The following PLEKHD1 variants were observed in gnomAD, a reference collection of about 807,000 sequenced individuals.
The protein encoded by PLEKHD1 is pleckstrin homology and coiled-coil domain containing D1.
In PLEKHD1, 51 loss-of-function variants were observed where a neutral mutation model predicts 69.2. That is an observed-to-expected ratio of 0.74 (90% CI 0.59 to 0.93). The LOEUF (loss-of-function observed/expected upper bound fraction) is 0.93, where lower values mean the gene tolerates loss of function less well. Among genes scored for constraint, PLEKHD1 ranks in the 40% least tolerant of loss-of-function variants. The pLI is 0.00. For missense variants in PLEKHD1, 584 were observed against 641.0 expected, an observed-to-expected ratio of 0.91 and a Z score of 0.96; for synonymous variants, 236 against 244.7, an observed-to-expected ratio of 0.96 and a Z score of 0.33.
At chr14:69,508,007 C>T (rs1275731) in intron 6 of PLEKHD1, among the ~76,000 whole-genome samples, 48,193 of 152,120 alleles carry the variant, frequency 0.32, 8,878 homozygotes, top group African/African-American at 0.51. Context: ...ATTTTGGCCA[C>T]TTTCATGAGT....
the PLEKHD1 span, among the ~76,000 whole-genome samples, chr14:69,469,189 G>A: frequency 1.3e-5 from 2 of 152,164 alleles, no homozygotes; most frequent in Admixed American, 6.5e-5. Context: ...CAGAGAGAGA[G>A]AGAGAGAGGA....
intron 1 of PLEKHD1, among the ~76,000 whole-genome samples, chr14:69,498,047 ATTTTATTTTATTTATTTTAT>A (rs1882927007): frequency 7.8e-6 from 1 of 127,678 alleles, no homozygotes; most frequent in African/African-American, 3.0e-5. Flanking sequence ...ATTTTATTTT[ATTTTATTTTATTTATTTTAT>A]TTTATTTTAT....
In PLEKHD1 at chr14:69,526,741, G is replaced by A. The variant is rs376478226; in HGVS notation, c.968G>A (p.Arg323His). ...EERSRALEEE[R>H]EFYSSQSQAL... ...CGCTCACGGGCCCTGGAGGAGGAGC[G>A]TGAGTTCTACTCCAGCCAGTCCCAG... The change falls in exon 10 of 13, where the codon CGT becomes CAT. Residue 323 changes from arginine to histidine, a missense_variant. Physicochemically the swap from Arg to His is conservative, Grantham distance 29 (BLOSUM62 0). Transcript: ENST00000322564. 113 of 1,547,576 alleles carry A rather than the reference G, an allele frequency of 7.3e-5. 1 individual carries two copies. Among genetic ancestry groups the A allele is most frequent in the Non-Finnish European group, 8.8e-5 (101 of 1,144,998 alleles).
chr14:69,507,292 A>G (rs1301052834), intron 6 of PLEKHD1, among the ~76,000 whole-genome samples: 1 of 152,160 alleles, frequency 6.6e-6, no homozygotes, highest in Non-Finnish European at 1.5e-5. Flanking sequence ...TCTTTCACTT[A>G]GTAATGTGCA....
chr14:69,501,438 A>G, intron 4 of PLEKHD1: 1 of 348,920 alleles, frequency 2.9e-6, no homozygotes, highest in Non-Finnish European at 5.3e-6. Context: ...GCGGACATTC[A>G]GTAATGTAAA....
chr14:69,522,421 C>T (rs1349071076), intron 7 of PLEKHD1, 44 bp downstream of exon 7: 2 of 1,538,478 alleles, frequency 1.3e-6, no homozygotes, highest in Admixed American at 3.9e-5. Context: ...TAAGTTAGGG[C>T]ATGCAGAGCC....
At chr14:69,504,445 G>A (rs1462194950) in intron 6 of PLEKHD1, among the ~76,000 whole-genome samples, 15 of 128,522 alleles carry the variant, frequency 1.2e-4, no homozygotes, top group African/African-American at 4.3e-4. Context: ...CTCTGAAACA[G>A]GCCATATCAT....
intron 1 of PLEKHD1, among the ~76,000 whole-genome samples, chr14:69,498,602 T>TCTTCTCTTCTCTTCC (rs1376419233): frequency 0.011 from 1,157 of 108,790 alleles, 16 homozygotes; most frequent in African/African-American, 0.024. Context: ...TCTTCTCTTC[T>TCTTCTCTTCTCTTCC]CTTCTCTTCT....
intron 6 of PLEKHD1, among the ~76,000 whole-genome samples, chr14:69,519,703 T>A (rs1459175246): frequency 6.6e-6 from 1 of 152,148 alleles, no homozygotes; most frequent in Non-Finnish European, 1.5e-5. Flanking sequence ...TCATTGACCC[T>A]CCCCCGTTTT....
intron 1 of PLEKHD1, among the ~76,000 whole-genome samples, chr14:69,486,293 G>A (rs776325579): frequency 2.6e-5 from 4 of 152,204 alleles, no homozygotes; most frequent in Admixed American, 6.5e-5. Context: ...CTATAAGACC[G>A]CAGAACAAAT....
At chr14:69,517,969 C>G (rs75643966) in intron 6 of PLEKHD1, among the ~76,000 whole-genome samples, 5,527 of 152,086 alleles carry the variant, frequency 0.036, 249 homozygotes, top group African/African-American at 0.11. Flanking sequence ...TTGATGTTTG[C>G]ATTTGATCTA....
intron 7 of PLEKHD1, 21 bp downstream of exon 7, chr14:69,522,398 T>C (rs1304743347): frequency 6.4e-7 from 1 of 1,550,624 alleles, no homozygotes; most frequent in Non-Finnish European, 8.7e-7. Flanking sequence ...TGCCTGGGAA[T>C]TGGGGGTGCC....
At chr14:69,522,551 C>G (rs1413906554) in intron 7 of PLEKHD1, among the ~76,000 whole-genome samples, 174 bp downstream of exon 7, 1 of 152,080 alleles carries the variant, frequency 6.6e-6, no homozygotes, top group East Asian at 1.9e-4. Context: ...TGAGTGTTCC[C>G]AGAAGAATCT....
At chr14:69,527,696 A>G (rs1193597539) in intron 11 of PLEKHD1, 87 bp from the exon 12 acceptor site, 3 of 1,467,790 alleles carry the variant, frequency 2.0e-6, no homozygotes, top group Non-Finnish European at 2.8e-6. Flanking sequence ...TTCCCACTCA[A>G]TCTCACCAGG....
chr14:69,485,202 C>T, intron 1 of PLEKHD1, 88 bp downstream of exon 1: 3 of 1,390,790 alleles, frequency 2.2e-6, no homozygotes, highest in Non-Finnish European at 2.9e-6. Context: ...CGCCGTCGTG[C>T]CTCTGCTTTC....
intron 6 of PLEKHD1, among the ~76,000 whole-genome samples, chr14:69,515,642 G>T (rs565811449): frequency 1.3e-5 from 2 of 152,344 alleles, no homozygotes; most frequent in South Asian, 2.1e-4. Flanking sequence ...AATCATGGCA[G>T]ATGGTGAAGG....
At chr14:69,500,041 G>C in intron 1 of PLEKHD1, 74 bp from the exon 2 acceptor site, 1 of 1,057,052 alleles carries the variant, frequency 9.5e-7, no homozygotes, top group Non-Finnish European at 1.4e-6. Flanking sequence ...GGGCCCCCAA[G>C]GGTGCTCTTG....
chr14:69,525,712 C>T (rs1222934147), intron 8 of PLEKHD1, among the ~76,000 whole-genome samples: 1 of 152,210 alleles, frequency 6.6e-6, no homozygotes, highest in Non-Finnish European at 1.5e-5. Flanking sequence ...TAGGTGCCGT[C>T]TCCACTGGAA....
At chr14:69,522,458 C>A in intron 7 of PLEKHD1, 81 bp downstream of exon 7, 1 of 1,386,556 alleles carries the variant, frequency 7.2e-7, no homozygotes, top group South Asian at 1.3e-5. Flanking sequence ...TCTGAGGAGG[C>A]CTCCACCTCA....
Sources: allele counts gnomAD v4.1 joint callset (sites outside exome capture counted in the v4.1 genomes callset), GRCh38; gene constraint gnomAD v4.1.1; transcripts MANE v1.5; gene names NCBI Gene and HGNC (gene_info 2026-07-23, HGNC 2026-07-21).